The following SAMMSON variants were observed in gnomAD, a reference collection of about 807,000 sequenced individuals.
SAMMSON encodes the protein long intergenic non-protein coding RNA 1212.
At chr3:70,260,668 T>C (rs952940239) in intron 6 of SAMMSON, among the ~76,000 whole-genome samples, 1 of 152,136 alleles carries the variant, frequency 6.6e-6, no homozygotes, top group South Asian at 2.1e-4. Flanking sequence ...GACTGCCCTC[T>C]TTATACAGCT....
chr3:70,049,290 A>C (rs1243058708), intron 3 of SAMMSON, among the ~76,000 whole-genome samples: 1 of 152,108 alleles, frequency 6.6e-6, no homozygotes, highest in Non-Finnish European at 1.5e-5. Flanking sequence ...CTCACCTAGC[A>C]TTCTCACCAG....
chr3:70,022,963 C>T (rs148024267), intron 3 of SAMMSON, among the ~76,000 whole-genome samples: 2 of 152,238 alleles, frequency 1.3e-5, no homozygotes, highest in African/African-American at 4.8e-5. Flanking sequence ...CATGTAATTG[C>T]CTTGAATTAA....
intron 7 of SAMMSON, among the ~76,000 whole-genome samples, chr3:70,320,661 G>A (rs1355048288): frequency 6.6e-6 from 1 of 152,026 alleles, no homozygotes; most frequent in East Asian, 1.9e-4. Flanking sequence ...GACAGAGGTT[G>A]TTCAGCACCA....
At chr3:70,232,335 G>T (rs77092906) in intron 4 of SAMMSON, among the ~76,000 whole-genome samples, 2,777 of 151,980 alleles carry the variant, frequency 0.018, 86 homozygotes, top group African/African-American at 0.064. Context: ...CATGATCAGT[G>T]CACATGTGTC....
intron 7 of SAMMSON, among the ~76,000 whole-genome samples, chr3:70,315,869 G>C (rs547767818): frequency 1.6e-4 from 25 of 152,082 alleles, no homozygotes; most frequent in Non-Finnish European, 2.8e-4. Context: ...TAGAATCCAA[G>C]AAGAGTAAAT....
At chr3:70,276,365 G>T (rs769113935) in intron 6 of SAMMSON, among the ~76,000 whole-genome samples, 2 of 152,008 alleles carry the variant, frequency 1.3e-5, no homozygotes. Context: ...TCTTACTTCT[G>T]GAAATGTATG....
At chr3:70,234,572 C>T (rs1314517991) in intron 4 of SAMMSON, among the ~76,000 whole-genome samples, 2 of 151,188 alleles carry the variant, frequency 1.3e-5, no homozygotes, top group Non-Finnish European at 2.9e-5. Context: ...CTTGGGAAGT[C>T]GAGGCTGCAG....
chr3:70,008,712 G>T (rs1306364516), intron 1 of SAMMSON, among the ~76,000 whole-genome samples: 2 of 152,122 alleles, frequency 1.3e-5, no homozygotes, highest in African/African-American at 2.4e-5. Flanking sequence ...TCCCTGTCTT[G>T]TGCCAGTTTT....
intron 9 of SAMMSON, among the ~76,000 whole-genome samples, chr3:70,364,100 A>G (rs953774026): frequency 3.3e-5 from 5 of 151,806 alleles, no homozygotes; most frequent in African/African-American, 9.7e-5. Context: ...TACAGCATAT[A>G]TAGTTTATAT....
intron 9 of SAMMSON, among the ~76,000 whole-genome samples, chr3:70,365,811 A>G (rs929983923): frequency 3.3e-5 from 5 of 151,484 alleles, no homozygotes; most frequent in Admixed American, 1.3e-4. Flanking sequence ...ACTTTCTTCA[A>G]TTTTTTGGGA....
chr3:70,362,947 C>A (rs938926656), intron 9 of SAMMSON, among the ~76,000 whole-genome samples: 2 of 151,614 alleles, frequency 1.3e-5, no homozygotes, highest in Non-Finnish European at 2.9e-5. Flanking sequence ...ATGGGGTCTG[C>A]GATAGAGCCC....
intron 4 of SAMMSON, among the ~76,000 whole-genome samples, chr3:70,237,657 TA>T (rs1701623221): frequency 6.6e-6 from 1 of 152,196 alleles, no homozygotes; most frequent in Non-Finnish European, 1.5e-5. Context: ...ATTGCCTAAA[TA>T]GGGAAAAGAT....
chr3:70,290,175 C>T (rs979063648), intron 6 of SAMMSON, among the ~76,000 whole-genome samples: 1 of 152,080 alleles, frequency 6.6e-6, no homozygotes. Context: ...TCTGTTTTTT[C>T]CCCATCTTTG....
At chr3:70,051,914 G>A (rs947138271) in intron 3 of SAMMSON, among the ~76,000 whole-genome samples, 1 of 151,904 alleles carries the variant, frequency 6.6e-6, no homozygotes, top group Non-Finnish European at 1.5e-5. Flanking sequence ...GCTGGGCAAC[G>A]TGGAGAGACT....
intron 4 of SAMMSON, chr3:70,126,062 C>T: frequency 1.9e-6 from 2 of 1,077,044 alleles, no homozygotes; most frequent in Non-Finnish European, 2.8e-6. Flanking sequence ...AGATGAAGGA[C>T]CTGTACATAG....
chr3:70,429,615 C>T (rs1204164308), intron 2 of SAMMSON, among the ~76,000 whole-genome samples: 2 of 152,048 alleles, frequency 1.3e-5, no homozygotes, highest in African/African-American at 4.8e-5. Context: ...AATGTTTTAC[C>T]ATTTGTTTGT....
rs557180084 is a variant in SAMMSON, at chr3:70,138,988, C to A, written n.507+67423C>A. 2.0e-5 allele frequency among the ~76,000 whole-genome samples: 3 copies of A among 152,144 alleles called. No homozygotes were observed. In the South Asian group the frequency reaches 6.2e-4, roughly 32 times the overall value. ...CCTCAAATTCCTAGGCTCAAGTGACCCTCCTGCCTTATTTGAAATTGTGTA... is the reference window on the plus strand; with the variant it reads ...CCTCAAATTCCTAGGCTCAAGTGACACTCCTGCCTTATTTGAAATTGTGTA... On this transcript the variant is annotated intron_variant and non_coding_transcript_variant, in intron 4 of 9. Transcript: ENST00000642114.
At chr3:70,359,547 C>T (rs974427199) in intron 9 of SAMMSON, among the ~76,000 whole-genome samples, 9 of 152,066 alleles carry the variant, frequency 5.9e-5, no homozygotes, top group Non-Finnish European at 1.3e-4. Context: ...TCAGAAAGAG[C>T]GCTTAAATGT....
In SAMMSON at chr3:70,423,181, A is replaced by G. The variant is rs576203617; in HGVS notation, n.234-39379A>G. Among the ~76,000 whole-genome samples the G allele has an allele frequency of 5.9e-5, 9 of 152,246 alleles. No homozygotes were observed. The East Asian group carries it at 1.5e-3, about 26-fold the overall frequency. Reference sequence around the variant, plus strand: ...ATGAGACAAATAGTAAGAAAGAGCCAGAAAGGGAATAAACTGATACTTACA... The same window carrying G: ...ATGAGACAAATAGTAAGAAAGAGCCGGAAAGGGAATAAACTGATACTTACA... On this transcript the variant is annotated intron_variant and non_coding_transcript_variant, in intron 2 of 3. Transcript: ENST00000641053.
Sources: gnomAD v4.1 joint callset for allele counts (sites outside exome capture counted in the v4.1 genomes callset) on GRCh38, gnomAD v4.1.1 for gene constraint, MANE v1.5 for transcripts, NCBI Gene and HGNC (gene_info 2026-07-23, HGNC 2026-07-21) for gene names.